Variants in BCAS3 observed in about 807,000 individuals in gnomAD.
BCAS3 encodes the protein BCAS4/BCAS3 fusion.
BCAS3 carries 53 observed loss-of-function variants against 116.1 expected under a neutral mutation model. The ratio of observed to expected loss-of-function variants is 0.46; its 90% CI spans 0.37 to 0.57. BCAS3 has a LOEUF of 0.57. Among genes scored for constraint, BCAS3 ranks in the 20% least tolerant of loss-of-function variants. The pLI is 0.00. For synonymous variants in BCAS3, 391 were observed against 408.2 expected (o/e 0.96, Z 0.51); for missense variants, 917 against 1,165.4 (o/e 0.79, Z 3.10).
chr17:61,294,930 T>C (rs1221401287), intron 22 of BCAS3, among the ~76,000 whole-genome samples: 1 of 152,100 alleles, frequency 6.6e-6, no homozygotes, highest in African/African-American at 2.4e-5. Flanking sequence ...GTATGACAGG[T>C]CAGTTAAACA....
Position 61,276,339 on chromosome 17 carries a change from C to T in BCAS3, c.2426-91988C>T, listed in dbSNP as rs545301997. On this transcript the variant is annotated intron_variant, in intron 22 of 23. Coordinates refer to ENST00000407086, the MANE Select transcript of BCAS3 (RefSeq NM_017679.5). The surrounding 1 kb of genome is among the most constrained non-coding windows in gnomAD (Gnocchi z 4.2). ...TTGCACTCCAGCCTGGGCTACAGGA[C>T]GAGACTCCATCTCAAAAACAAACAA... Among the ~76,000 whole-genome samples, 51 of 152,030 alleles carry T rather than the reference C, an allele frequency of 3.4e-4. No individual in the cohort carries two copies. Among genetic ancestry groups the T allele is most frequent in the African/African-American group, 1.1e-3 (46 of 41,478 alleles).
intron 14 of BCAS3, among the ~76,000 whole-genome samples, chr17:60,985,692 G>A (rs929980273): frequency 3.3e-5 from 5 of 151,500 alleles, no homozygotes; most frequent in African/African-American, 9.7e-5. Flanking sequence ...CCAGCCTCTC[G>A]TAAACATCCT....
intron 2 of BCAS3, among the ~76,000 whole-genome samples, chr17:60,680,594 T>C (rs2032914315): frequency 6.6e-6 from 1 of 152,170 alleles, no homozygotes; most frequent in Admixed American, 6.6e-5. Flanking sequence ...TGTCTATACT[T>C]ACTAGAGTGA....
Position 61,078,418 on chromosome 17 carries a change from A to C in BCAS3, c.2216A>C (p.Gln739Pro). The C allele has an allele frequency of 6.2e-7, 1 of 1,614,192 alleles. No homozygotes were observed. ...FQFKTIHPSGQTTVISSSSSV... is the reference protein window; with the variant it reads ...FQFKTIHPSGPTTVISSSSSV... ...TTCAAAACCATCCATCCCTCAGGCC[A>C]AACCACAGTTATCTCATCCAGTTCA... The change falls in exon 21 of 24, where the codon CAA becomes CCA. Residue 739 changes from glutamine (Q) to proline (P), a missense_variant. By Grantham distance (76) the Gln-to-Pro change is moderately conservative. Transcript: ENST00000407086.
chr17:60,891,343 C>A (rs935716605), intron 10 of BCAS3, among the ~76,000 whole-genome samples: 1 of 152,140 alleles, frequency 6.6e-6, no homozygotes, highest in Admixed American at 6.5e-5. Flanking sequence ...TTCATAGATG[C>A]ATAGCCTGAA....
chr17:60,821,495 T>C (rs755096087), intron 7 of BCAS3, among the ~76,000 whole-genome samples: 1 of 152,206 alleles, frequency 6.6e-6, no homozygotes, highest in African/African-American at 2.4e-5. Flanking sequence ...TCATGTCTCT[T>C]TGTAATTCTT....
chr17:60,916,972 G>T (rs543199073), intron 12 of BCAS3, among the ~76,000 whole-genome samples: 1 of 152,250 alleles, frequency 6.6e-6, no homozygotes, highest in South Asian at 2.1e-4. Flanking sequence ...AGTCAGAATT[G>T]TGCATTCACT....
intron 14 of BCAS3, among the ~76,000 whole-genome samples, chr17:60,948,480 G>C (rs752320025): frequency 3.9e-5 from 6 of 151,950 alleles, no homozygotes; most frequent in Non-Finnish European, 7.4e-5. Context: ...TGTCTTAATC[G>C]CTTAAAATCT....
chr17:61,221,353 G>T (rs1210364546), intron 22 of BCAS3, among the ~76,000 whole-genome samples: 1 of 151,950 alleles, frequency 6.6e-6, no homozygotes, highest in Non-Finnish European at 1.5e-5. Flanking sequence ...AGTGTTGCAG[G>T]CTGCCTGAAA....
chr17:60,710,572 T>TA (rs2037755054), intron 5 of BCAS3, among the ~76,000 whole-genome samples: 1 of 151,478 alleles, frequency 6.6e-6, no homozygotes, highest in Non-Finnish European at 1.5e-5. Context: ...GCTGGGACTA[T>TA]AGGCGCCCGC....
chr17:61,338,989 A>T (rs542398605), intron 22 of BCAS3, among the ~76,000 whole-genome samples: 1 of 149,610 alleles, frequency 6.7e-6, no homozygotes, highest in African/African-American at 2.5e-5. Context: ...CCCTCTTCAT[A>T]CCCCATTTCT....
chr17:60,918,487 ATTG>A (rs1405256978), intron 12 of BCAS3, among the ~76,000 whole-genome samples: 2 of 152,150 alleles, frequency 1.3e-5, no homozygotes, highest in African/African-American at 2.4e-5. Context: ...TGTACCAGGT[ATTG>A]TTGTTAACTA....
intron 14 of BCAS3, among the ~76,000 whole-genome samples, chr17:60,985,497 A>T (rs2063084986): frequency 6.6e-6 from 1 of 152,076 alleles, no homozygotes; most frequent in Non-Finnish European, 1.5e-5. Flanking sequence ...GTTATTATTG[A>T]CTATAGTCAC....
chr17:61,187,556 A>G (rs1383750680), intron 22 of BCAS3, among the ~76,000 whole-genome samples: 2 of 152,240 alleles, frequency 1.3e-5, no homozygotes, highest in African/African-American at 4.8e-5. Context: ...GAATTTTAAA[A>G]CACAGAACAG....
intron 5 of BCAS3, among the ~76,000 whole-genome samples, chr17:60,721,031 C>T (rs1226652886): frequency 1.3e-5 from 2 of 152,116 alleles, no homozygotes; most frequent in Admixed American, 6.6e-5. Flanking sequence ...TTTTTATACA[C>T]TAAAAGCTTT....
chr17:60,865,683 T>C (rs942791508), intron 7 of BCAS3, among the ~76,000 whole-genome samples: 1 of 152,238 alleles, frequency 6.6e-6, no homozygotes, highest in African/African-American at 2.4e-5. Flanking sequence ...GATAATGTTA[T>C]CTATAAATAG....
intron 6 of BCAS3, among the ~76,000 whole-genome samples, chr17:60,792,498 C>T (rs752288977): frequency 6.6e-6 from 1 of 152,126 alleles, no homozygotes; most frequent in Non-Finnish European, 1.5e-5. Context: ...CAGTGGGCCC[C>T]GAGGGAAACT....
At chr17:61,350,684 G>A (rs1355605886) in intron 22 of BCAS3, among the ~76,000 whole-genome samples, 1 of 150,526 alleles carries the variant, frequency 6.6e-6, no homozygotes, top group Non-Finnish European at 1.5e-5. Context: ...CATGGTGGCA[G>A]TGTAGTGGTA....
At chr17:60,837,406 G>C (rs2051457025) in intron 7 of BCAS3, among the ~76,000 whole-genome samples, 1 of 152,020 alleles carries the variant, frequency 6.6e-6, no homozygotes, top group Non-Finnish European at 1.5e-5. Context: ...CCTTTAATGA[G>C]ACTAACTAAG....
Sources: allele counts gnomAD v4.1 joint callset (sites outside exome capture counted in the v4.1 genomes callset), GRCh38; gene constraint gnomAD v4.1.1; non-coding constraint Gnocchi (gnomAD v3.1); transcripts MANE v1.5; gene names NCBI Gene and HGNC (gene_info 2026-07-23, HGNC 2026-07-21).